Variants in PARD3B observed in about 807,000 individuals in gnomAD.
PARD3B encodes the protein partitioning defective 3 homolog B.
PARD3B carries 103 observed loss-of-function variants against 130.2 expected under a neutral mutation model. That is an observed-to-expected ratio of 0.79 (90% CI 0.67 to 0.93). PARD3B has a LOEUF of 0.93. Among genes scored for constraint, PARD3B ranks in the 40% least tolerant of loss-of-function variants. PARD3B has a pLI of 0.00. For synonymous variants in PARD3B, 583 were observed against 553.2 expected, an observed-to-expected ratio of 1.05 and a Z score of -0.76; for missense variants, 1,609 against 1,499.2, an observed-to-expected ratio of 1.07 and a Z score of -1.21.
chr2:205,079,926 A>G (rs1304988071), intron 4 of PARD3B, among the ~76,000 whole-genome samples: 4 of 152,178 alleles, frequency 2.6e-5, no homozygotes, highest in South Asian at 4.1e-4. Flanking sequence ...CTACCCAGAA[A>G]TCAACCATTT....
rs2036631971 is a variant in PARD3B at position 204,677,996 on chromosome 2, T to C, written c.121-8185T>C. Among the ~76,000 whole-genome samples the C allele has an allele frequency of 6.6e-6, 1 of 152,216 alleles. No individual in the cohort carries two copies. ...GGTATTTCAGTTTGAAAAAGTCACA[T>C]TTTTGGAAGCAAAGATATTATTTTC... On this transcript the variant is annotated intron_variant, in intron 1 of 22. Coordinates refer to ENST00000406610, the MANE Select transcript of PARD3B (RefSeq NM_001302769.2). This position sits in a 1 kb window ranked among gnomAD's most constrained non-coding sequence, Gnocchi z 4.1.
chr2:204,640,593 A>T (rs1044717981), intron 1 of PARD3B, among the ~76,000 whole-genome samples: 4 of 152,138 alleles, frequency 2.6e-5, no homozygotes, highest in Non-Finnish European at 5.9e-5. Flanking sequence ...ACTAGACCTG[A>T]GATACTGCAC....
intron 18 of PARD3B, among the ~76,000 whole-genome samples, chr2:205,306,191 C>T (rs1038259197): frequency 1.3e-5 from 2 of 152,182 alleles, no homozygotes; most frequent in African/African-American, 4.8e-5. Context: ...GAAATGGATT[C>T]TCTCTGGGGA....
At chr2:204,872,110 A>G (rs576490010) in intron 2 of PARD3B, among the ~76,000 whole-genome samples, 2 of 152,294 alleles carry the variant, frequency 1.3e-5, no homozygotes, top group South Asian at 2.1e-4. Context: ...ATGTGTTTTC[A>G]TTAAAAATAT....
intron 18 of PARD3B, among the ~76,000 whole-genome samples, chr2:205,398,499 C>G (rs1379520651): frequency 1.3e-5 from 2 of 152,002 alleles, no homozygotes; most frequent in African/African-American, 4.8e-5. Context: ...GCCAGAGTCC[C>G]AAGACTAGAC....
In PARD3B at chr2:205,011,514, G is replaced by A. The variant is rs1695711257; in HGVS notation, c.395-36067G>A. On this transcript the variant is annotated intron_variant, in intron 3 of 22. Coordinates refer to ENST00000406610, the MANE Select transcript of PARD3B (RefSeq NM_001302769.2). This position sits in a 1 kb window ranked among gnomAD's most constrained non-coding sequence, Gnocchi z 4.1. ...ACCTAATCTCAGAATGGACATACCA[G>A]TACTTCTTTCTGTCATATTTTATTC... Among the ~76,000 whole-genome samples, 1 of 152,192 alleles carries A rather than the reference G, an allele frequency of 6.6e-6. No homozygotes were observed. Among genetic ancestry groups the A allele is most frequent in the African/African-American group, 2.4e-5 (1 of 41,436 alleles).
rs1559590655 is a variant in PARD3B, at chr2:205,253,430, G to T, written c.2185+7608G>T. On this transcript the variant is annotated intron_variant, in intron 16 of 22. Coordinates refer to ENST00000406610, the MANE Select transcript of PARD3B (RefSeq NM_001302769.2). The surrounding 1 kb of genome is among the most constrained non-coding windows in gnomAD (Gnocchi z 4.4). ...TCTTCTTGGCCTTGGCTGGGCTGGT[G>T]GATGGGAAGCCAGTATGGATCACCT... is the stretch of plus-strand genomic sequence containing the variant. 2 of 565,066 alleles carry T rather than the reference G, an allele frequency of 3.5e-6. No individual in the cohort carries two copies. Among genetic ancestry groups the T allele is most frequent in the East Asian group, 9.4e-5 (2 of 21,368 alleles). 35.0% of individuals were successfully genotyped at this position (565,066 alleles called of 1,614,324 possible). A position where few individuals can be genotyped will look rare whatever the true frequency, so the allele number is the denominator to read the frequency against.
intron 2 of PARD3B, among the ~76,000 whole-genome samples, chr2:204,787,228 AG>A (rs1384701350): frequency 7.3e-5 from 10 of 136,730 alleles, no homozygotes; most frequent in Non-Finnish European, 1.3e-4. Context: ...TTGCTGCCCC[AG>A]GGCTACCTTG....
At chr2:204,853,823 A>G (rs2044808522) in intron 2 of PARD3B, among the ~76,000 whole-genome samples, 1 of 152,232 alleles carries the variant, frequency 6.6e-6, no homozygotes, top group Non-Finnish European at 1.5e-5. Context: ...TTTAATAAAT[A>G]ATACACATTT....
rs377677532 is a variant in PARD3B, at chr2:205,376,365, TCC to T, written c.2631-24647_2631-24646del. Among the ~76,000 whole-genome samples the T allele has an allele frequency of 1.1e-3, 152 of 143,504 alleles. 3 individuals carry two copies. The East Asian group carries it at 0.024, about 22-fold the overall frequency. The allele number at this position is 143,504 out of a possible 152,430, so 94.1% of individuals were successfully genotyped here. On this transcript the variant is annotated intron_variant, in intron 18 of 22. Transcript: ENST00000406610. ...CAAGTGTCGACATCCCTTCTAAGAT[TCC>T]ATGGGTTGGACGACAGAGGCTGGGA...
intron 2 of PARD3B, among the ~76,000 whole-genome samples, chr2:204,795,502 A>C (rs930974992): frequency 2.0e-5 from 3 of 152,194 alleles, no homozygotes; most frequent in Non-Finnish European, 4.4e-5. Flanking sequence ...AATGTTCAAC[A>C]GAAGGGTCAA....
At chr2:204,724,207 T>G (rs1338732430) in intron 2 of PARD3B, among the ~76,000 whole-genome samples, 6 of 152,218 alleles carry the variant, frequency 3.9e-5, no homozygotes, top group Non-Finnish European at 7.3e-5. Context: ...AAGAAAAGTT[T>G]CATTGGCAAT....
intron 18 of PARD3B, among the ~76,000 whole-genome samples, chr2:205,373,204 C>A (rs962820524): frequency 6.6e-6 from 1 of 152,182 alleles, no homozygotes; most frequent in East Asian, 1.9e-4. Flanking sequence ...TTCTTTGATT[C>A]TCCAGGGGGA....
chr2:205,499,847 A>T, intron 20 of PARD3B, 49 bp from the exon 21 acceptor site: 1 of 1,507,572 alleles, frequency 6.6e-7, no homozygotes, highest in Non-Finnish European at 9.0e-7. Context: ...AAGTGATTTC[A>T]AAGATGATGT....
chr2:204,687,364 A>G (rs1014090873), intron 2 of PARD3B, among the ~76,000 whole-genome samples: 6 of 152,122 alleles, frequency 3.9e-5, no homozygotes, highest in South Asian at 2.1e-4. Flanking sequence ...ATAACTAACT[A>G]AGTTTTATAG....
intron 2 of PARD3B, among the ~76,000 whole-genome samples, chr2:204,728,858 T>A (rs1472133208): frequency 1.3e-5 from 2 of 152,158 alleles, no homozygotes; most frequent in African/African-American, 4.8e-5. Context: ...GAAAGGAACT[T>A]CTGAAGATGC....
chr2:205,004,851 G>A (rs894768844), intron 3 of PARD3B, among the ~76,000 whole-genome samples: 3 of 152,096 alleles, frequency 2.0e-5, no homozygotes, highest in Non-Finnish European at 2.9e-5. Context: ...TTCTTGTCAC[G>A]TTTGTTTCAG....
intron 18 of PARD3B, among the ~76,000 whole-genome samples, chr2:205,379,372 C>G (rs2045215639): frequency 6.6e-6 from 1 of 152,046 alleles, no homozygotes; most frequent in Non-Finnish European, 1.5e-5. Context: ...CACTTGACAA[C>G]TGTTAGGTGA....
At chr2:204,818,735 CAT>C (rs1258654217) in intron 2 of PARD3B, among the ~76,000 whole-genome samples, 1 of 152,144 alleles carries the variant, frequency 6.6e-6, no homozygotes, top group African/African-American at 2.4e-5. Context: ...TCAGCTAAGA[CAT>C]ATACTTGTGC....
Sources: allele counts gnomAD v4.1 joint callset (sites outside exome capture counted in the v4.1 genomes callset), GRCh38; gene constraint gnomAD v4.1.1; non-coding constraint Gnocchi (gnomAD v3.1); transcripts MANE v1.5; gene names NCBI Gene and HGNC (gene_info 2026-07-23, HGNC 2026-07-21).